DOCK3: variants seen among roughly 807,000 people sequenced by gnomAD.
DOCK3 encodes dedicator of cytokinesis protein 3.
A neutral mutation model predicts 265.6 loss-of-function variants in DOCK3; 60 were observed. The ratio of observed to expected loss-of-function variants is 0.23; its 90% CI spans 0.18 to 0.28. DOCK3 has a LOEUF of 0.28. Among genes scored for constraint, DOCK3 ranks in the 10% least tolerant of loss-of-function variants. The pLI, the probability that DOCK3 is intolerant of heterozygous loss-of-function variation, is 1.00. For missense variants in DOCK3, 1,981 were observed against 2,594.3 expected, an observed-to-expected ratio of 0.76 and a Z score of 5.14; for synonymous variants, 881 against 938.0, an observed-to-expected ratio of 0.94 and a Z score of 1.11.
chr3:51,355,226 G>T (rs2086284289), intron 41 of DOCK3, among the ~76,000 whole-genome samples: 1 of 152,240 alleles, frequency 6.6e-6, no homozygotes, highest in Admixed American at 6.5e-5. Context: ...GCCCTTAGCA[G>T]TGGGTGGTCT....
intron 5 of DOCK3, among the ~76,000 whole-genome samples, chr3:50,935,511 A>G (rs956307227): frequency 6.6e-6 from 1 of 152,158 alleles, no homozygotes; most frequent in Non-Finnish European, 1.5e-5. Flanking sequence ...GTAACTTTCC[A>G]TGGAGAAACC....
intron 7 of DOCK3, among the ~76,000 whole-genome samples, chr3:51,088,808 C>G (rs1435912338): frequency 1.3e-5 from 2 of 152,162 alleles, no homozygotes; most frequent in East Asian, 3.8e-4. Flanking sequence ...TTCAGCCAGC[C>G]AGCAGTAAAG....
chr3:50,717,440 G>A lies in DOCK3; in HGVS notation c.37+42140G>A, dbSNP rs544335679. On this transcript the variant is annotated intron_variant, in intron 1 of 52. Coordinates refer to ENST00000266037, the MANE Select transcript of DOCK3 (RefSeq NM_004947.5). ...GGATCTTTTCAATGATTGTATTTCT[G>A]TTGATTCCATATATTTATGTATGTG... Among the ~76,000 whole-genome samples, 30 of 152,048 alleles carry A rather than the reference G, an allele frequency of 2.0e-4. No homozygotes were observed. In the South Asian group the frequency reaches 6.2e-3, roughly 32 times the overall value.
chr3:50,967,564 A>G (rs2108438906), intron 5 of DOCK3, among the ~76,000 whole-genome samples: 2 of 152,268 alleles, frequency 1.3e-5, no homozygotes, highest in African/African-American at 4.8e-5. Flanking sequence ...GAGACTGGGT[A>G]ATTTATAAAG....
chr3:51,167,547 ATAT>A lies in DOCK3; in HGVS notation c.1037+6847_1037+6849del, dbSNP rs1282593913. Among the ~76,000 whole-genome samples the A allele has an allele frequency of 7.2e-5, 11 of 152,174 alleles. No homozygotes were observed. The East Asian group carries it at 1.9e-3, about 27-fold the overall frequency. On this transcript the variant is annotated intron_variant, in intron 12 of 52. Transcript: ENST00000266037. Reference sequence around the variant, plus strand: ...GTAGATCACTTTTGGTATTATATGGATATTTTGAAAATATTAATTCTTCCAATT... The same window carrying A: ...GTAGATCACTTTTGGTATTATATGGATTTGAAAATATTAATTCTTCCAATT...
At chr3:51,022,777 A>G (rs894447776) in intron 5 of DOCK3, among the ~76,000 whole-genome samples, 2 of 151,916 alleles carry the variant, frequency 1.3e-5, no homozygotes, top group African/African-American at 4.8e-5. Flanking sequence ...CCAGGAGAGT[A>G]TTTTCTAGTT....
At chr3:50,827,383 A>T (rs2107032597) in intron 2 of DOCK3, among the ~76,000 whole-genome samples, 1 of 152,288 alleles carries the variant, frequency 6.6e-6, no homozygotes, top group South Asian at 2.1e-4. Flanking sequence ...TGGTTCATAG[A>T]TGGCTGTCTT....
intron 4 of DOCK3, among the ~76,000 whole-genome samples, chr3:50,903,231 CT>C (rs1189852857): frequency 4.6e-5 from 7 of 152,166 alleles, no homozygotes; most frequent in African/African-American, 1.7e-4. Flanking sequence ...AGAGGGAATC[CT>C]CTTCTTGTCC....
At chr3:50,681,219 C>CTATTTCTGTG (rs2034382512) in intron 1 of DOCK3, among the ~76,000 whole-genome samples, 1 of 152,128 alleles carries the variant, frequency 6.6e-6, no homozygotes, top group Non-Finnish European at 1.5e-5. Context: ...AACATGGCAC[C>CTATTTCTGTG]TATTTCTGTG....
intron 40 of DOCK3, among the ~76,000 whole-genome samples, chr3:51,352,770 G>A (rs1269890915): frequency 6.6e-6 from 1 of 152,210 alleles, no homozygotes; most frequent in African/African-American, 2.4e-5. Flanking sequence ...GCCCATGGTG[G>A]GAATCAGGTA....
intron 19 of DOCK3, among the ~76,000 whole-genome samples, chr3:51,230,970 A>G (rs2090522225): frequency 6.6e-6 from 1 of 152,016 alleles, no homozygotes; most frequent in Non-Finnish European, 1.5e-5. Flanking sequence ...TATACACAGT[A>G]ATAAGATTGC....
chr3:51,362,122 C>T, intron 48 of DOCK3, 125 bp downstream of exon 48: 1 of 1,253,224 alleles, frequency 8.0e-7, no homozygotes, highest in Non-Finnish European at 1.1e-6. Flanking sequence ...ATTCAGAACA[C>T]CCCTCACCAG....
Position 51,272,533 on chromosome 3 carries a change from C to T in DOCK3, c.2548+1526C>T, listed in dbSNP as rs567690189. On this transcript the variant is annotated intron_variant, in intron 24 of 52. Transcript: ENST00000266037. ...CGAATTCCTGACCTCATGATCCACC[C>T]GCCTCAGCCTCCCAAAGTGCTGGGA... Among the ~76,000 whole-genome samples the T allele has an allele frequency of 3.3e-5, 5 of 151,224 alleles. No individual in the cohort carries two copies. The South Asian group carries it at 6.3e-4, about 19-fold the overall frequency.
At chr3:50,949,291 C>G (rs2076528537) in intron 5 of DOCK3, among the ~76,000 whole-genome samples, 1 of 152,110 alleles carries the variant, frequency 6.6e-6, no homozygotes, top group Admixed American at 6.5e-5. Flanking sequence ...GAAAAGAACT[C>G]TTGACTCTTA....
chr3:51,054,064 T>C (rs2081106041), intron 5 of DOCK3, among the ~76,000 whole-genome samples: 1 of 150,118 alleles, frequency 6.7e-6, no homozygotes, highest in South Asian at 2.1e-4. Context: ...TAAGTCAGTG[T>C]TGCTTTAATT....
rs782547572 is a variant in DOCK3 at position 51,381,340 on chromosome 3, C to T, written c.5874C>T (p.Ala1958=). 14 of 1,613,436 alleles carry T rather than the reference C, an allele frequency of 8.7e-6. No individual in the cohort carries two copies. The South Asian group carries it at 1.5e-4, about 18-fold the overall frequency. Residue 1958 remains alanine, a synonymous_variant, in exon 53 of 53, where the codon GCC becomes GCT. Coordinates refer to ENST00000266037, the MANE Select transcript of DOCK3 (RefSeq NM_004947.5). The surrounding 1 kb of genome is among the most constrained non-coding windows in gnomAD (Gnocchi z 5.6). The stretch of plus-strand genomic sequence containing the variant: ...CCCAGCCATGCCGAAGCCACTCAGC[C>T]CCAGGGTGCGTCATCCCTCAGGACC... ...IKAQPCRSHS[A]PGCVIPQDPM...
intron 8 of DOCK3, 115 bp downstream of exon 8, chr3:51,089,399 T>C (rs1399479925): frequency 1.0e-5 from 13 of 1,272,300 alleles, no homozygotes; most frequent in South Asian, 1.4e-5. Flanking sequence ...GACTGTGTGG[T>C]GTCTTTATCT....
intron 9 of DOCK3, among the ~76,000 whole-genome samples, chr3:51,127,116 A>G (rs1239367016): frequency 6.6e-6 from 1 of 152,158 alleles, no homozygotes; most frequent in Admixed American, 6.6e-5. Context: ...CTTGGGAGAA[A>G]GATGTAGGCT....
At chr3:50,925,857 G>GTC (rs1435773247) in intron 4 of DOCK3, among the ~76,000 whole-genome samples, 2 of 117,486 alleles carry the variant, frequency 1.7e-5, no homozygotes, top group Non-Finnish European at 3.2e-5. Context: ...TTGAGACAGA[G>GTC]TCTCACTCTG....
Sources: allele counts gnomAD v4.1 joint callset (sites outside exome capture counted in the v4.1 genomes callset), GRCh38; gene constraint gnomAD v4.1.1; non-coding constraint Gnocchi (gnomAD v3.1); transcripts MANE v1.5; gene names NCBI Gene and HGNC (gene_info 2026-07-23, HGNC 2026-07-21).